TATDN3: variants seen among roughly 807,000 people sequenced by gnomAD.
The protein encoded by TATDN3 is deoxyribonuclease TATDN3.
Under a neutral mutation model 40.1 loss-of-function variants are expected in TATDN3, and 29 were observed. The observed-to-expected ratio is 0.72, with a 90% CI of 0.54 to 0.99. The LOEUF (loss-of-function observed/expected upper bound fraction) is 0.99, where lower values mean the gene tolerates loss of function less well. Ranked by LOEUF, TATDN3 falls within the 50% of genes least tolerant of loss-of-function variation. The pLI is 0.00. For missense variants in TATDN3, 309 were observed against 321.9 expected (o/e 0.96, Z 0.31); for synonymous variants, 105 against 117.0 (o/e 0.90, Z 0.66).
rs143072334 is a variant in TATDN3 at position 212,795,262 on chromosome 1, T to TTTTATTTATTTATTTA, written c.99+146_99+161dup. ...TAAGTAGCATTTTTTATTTTTATTA[T>TTTTATTTATTTATTTA]TTTATTTATTTATTTATTTATTTAT... On this transcript the variant is annotated intron_variant, in intron 2 of 9. Coordinates refer to ENST00000366974, the MANE Select transcript of TATDN3 (RefSeq NM_001042552.3). 791 of 299,890 alleles carry TTTTATTTATTTATTTA rather than the reference T, an allele frequency of 2.6e-3. 7 individuals carry two copies. Among genetic ancestry groups the TTTTATTTATTTATTTA allele is most frequent in the South Asian group, 0.017 (147 of 8,852 alleles). The allele number at this position is 299,890 out of a possible 1,614,324, so 18.6% of individuals were successfully genotyped here. A position where few individuals can be genotyped will look rare whatever the true frequency, so the allele number is the denominator to read the frequency against.
At chr1:212,802,097 A>G (rs1165243131) in intron 4 of TATDN3, among the ~76,000 whole-genome samples, 1 of 152,230 alleles carries the variant, frequency 6.6e-6, no homozygotes, top group East Asian at 1.9e-4. Flanking sequence ...CTACAGGGCA[A>G]ATTCTCCTCA....
intron 9 of TATDN3, among the ~76,000 whole-genome samples, 175 bp from the exon 10 acceptor site, chr1:212,814,838 C>A (rs1199485580): frequency 6.6e-6 from 1 of 152,218 alleles, no homozygotes; most frequent in Admixed American, 6.5e-5. Context: ...CACAGATTTA[C>A]AATCAACATT....
intron 9 of TATDN3, 89 bp from the exon 10 acceptor site, chr1:212,814,924 T>C: frequency 7.1e-7 from 1 of 1,416,730 alleles, no homozygotes; most frequent in Admixed American, 2.5e-5. Flanking sequence ...CAGTTGTTTT[T>C]ACCAACTCAT....
intron 7 of TATDN3, among the ~76,000 whole-genome samples, chr1:212,806,869 CAT>C (rs1662560786): frequency 1.1e-5 from 1 of 91,128 alleles, no homozygotes; most frequent in African/African-American, 5.1e-5. Flanking sequence ...TGTATATACA[CAT>C]ATATACATAT....
chr1:212,808,910 C>T (rs761523781), intron 8 of TATDN3, among the ~76,000 whole-genome samples: 2 of 152,148 alleles, frequency 1.3e-5, no homozygotes, highest in Non-Finnish European at 2.9e-5. Flanking sequence ...TTTATAGCAG[C>T]ATTATTCATA....
intron 3 of TATDN3, 87 bp from the exon 4 acceptor site, chr1:212,797,025 C>A: frequency 2.0e-6 from 2 of 1,012,022 alleles, no homozygotes; most frequent in Admixed American, 1.9e-5. Flanking sequence ...CATAAGCCAC[C>A]ATGCCCGACC....
At chr1:212,792,632 C>CAAAAAAAAAAAAAAAAAAAAA (rs752952752) in intron 1 of TATDN3, among the ~76,000 whole-genome samples, 2 of 75,110 alleles carry the variant, frequency 2.7e-5, no homozygotes, top group Non-Finnish European at 2.4e-5. Flanking sequence ...GACCCTGTCT[C>CAAAAAAAAAAAAAAAAAAAAA]AAAAAAAAAA....
intron 4 of TATDN3, among the ~76,000 whole-genome samples, chr1:212,799,111 CAAGA>C (rs1435043215): frequency 6.6e-6 from 1 of 152,056 alleles, no homozygotes; most frequent in African/African-American, 2.4e-5. Flanking sequence ...TCAGTGTAGT[CAAGA>C]AACAGAAAGA....
At chr1:212,798,837 C>G (rs1412951722) in intron 4 of TATDN3, among the ~76,000 whole-genome samples, 2 of 152,180 alleles carry the variant, frequency 1.3e-5, no homozygotes, top group African/African-American at 2.4e-5. Context: ...AAGCTAGATT[C>G]TAGATGGCCC....
intron 3 of TATDN3, chr1:212,796,902 A>C: frequency 2.0e-6 from 1 of 506,878 alleles, no homozygotes; most frequent in Non-Finnish European, 3.5e-6. Context: ...GGCCTGGCTA[A>C]TTTTTATATT....
intron 8 of TATDN3, among the ~76,000 whole-genome samples, chr1:212,811,833 G>T (rs1450054109): frequency 6.6e-6 from 1 of 151,974 alleles, no homozygotes; most frequent in East Asian, 1.9e-4. Context: ...CTCCTGAGTA[G>T]CTGGGATTAC....
intron 8 of TATDN3, 94 bp downstream of exon 8, chr1:212,807,942 T>G: frequency 1.3e-6 from 1 of 744,370 alleles, no homozygotes; most frequent in South Asian, 2.0e-5. Flanking sequence ...TCTAGTTACA[T>G]TACAAAAATT....
Position 212,791,916 on chromosome 1 carries a change from G to A in TATDN3, c.-6G>A, listed in dbSNP as rs1233874727. On this transcript the variant is annotated 5_prime_UTR_variant, in exon 1 of 10. Coordinates refer to ENST00000366974, the MANE Select transcript of TATDN3 (RefSeq NM_001042552.3). Reference sequence around the variant, plus strand: ...GCCGGTCTAAAGCGGCAGCCGCCGGGGCGCAATGCGAGCGGCTGGCGTAGG... The same window carrying A: ...GCCGGTCTAAAGCGGCAGCCGCCGGAGCGCAATGCGAGCGGCTGGCGTAGG... 1.2e-6 allele frequency: 2 copies of A among 1,613,372 alleles called. No individual in the cohort carries two copies. Among genetic ancestry groups the A allele is most frequent in the African/African-American group, 2.7e-5 (2 of 74,942 alleles).
intron 8 of TATDN3, among the ~76,000 whole-genome samples, chr1:212,810,511 CAAAAAAAAAA>C (rs55912631): frequency 8.0e-5 from 4 of 49,720 alleles, no homozygotes; most frequent in Admixed American, 3.1e-4. Context: ...GACTCTGTCT[CAAAAAAAAAA>C]AAAAAAAAAA....
chr1:212,804,594 A>G lies in TATDN3; in HGVS notation c.432-2A>G, dbSNP rs569881027. ...AAAAGAAATGTTGTTATCGTTAAAC[A>G]GAAATGTGCACTCACGCTCTGCTGG... On this transcript the variant is annotated splice_acceptor_variant, in intron 6 of 9. Transcript: ENST00000366974. LOFTEE classifies it high-confidence loss of function. 1.2e-6 allele frequency: 2 copies of G among 1,612,838 alleles called. No individual in the cohort carries two copies. Among genetic ancestry groups the G allele is most frequent in the South Asian group, 1.1e-5 (1 of 90,676 alleles).
intron 9 of TATDN3, 131 bp downstream of exon 9, chr1:212,812,459 A>G: frequency 3.6e-6 from 2 of 563,102 alleles, no homozygotes; most frequent in South Asian, 4.8e-5. Flanking sequence ...GAGGGCTTAT[A>G]TTAACTTTAT....
intron 8 of TATDN3, among the ~76,000 whole-genome samples, chr1:212,808,643 G>A (rs1402827542): frequency 2.0e-5 from 3 of 152,094 alleles, no homozygotes; most frequent in African/African-American, 7.2e-5. Context: ...ATTAAAATAT[G>A]TGCAAATTAT....
chr1:212,808,591 T>C (rs1225336558), intron 8 of TATDN3, among the ~76,000 whole-genome samples: 1 of 152,134 alleles, frequency 6.6e-6, no homozygotes, highest in Non-Finnish European at 1.5e-5. Context: ...ATCCAGAATA[T>C]ATAAAGCACC....
intron 5 of TATDN3, among the ~76,000 whole-genome samples, chr1:212,803,372 C>T (rs899158340): frequency 7.2e-5 from 11 of 151,732 alleles, no homozygotes; most frequent in Middle Eastern, 3.2e-3. Flanking sequence ...TTAGTAGAGA[C>T]GGGGTTTCAC....
Sources: gnomAD v4.1 joint callset for allele counts (sites outside exome capture counted in the v4.1 genomes callset) on GRCh38, gnomAD v4.1.1 for gene constraint, MANE v1.5 for transcripts, NCBI Gene and HGNC (gene_info 2026-07-23, HGNC 2026-07-21) for gene names.